Variants in NRG1 observed in about 807,000 individuals in gnomAD.
NRG1 encodes the protein neuregulin 1, also known as pro-neuregulin-1, membrane-bound isoform.
NRG1 carries 18 observed loss-of-function variants against 63.8 expected under a neutral mutation model. That is an observed-to-expected ratio of 0.28 (90% confidence interval 0.19 to 0.42). The LOEUF (loss-of-function observed/expected upper bound fraction) is 0.42, where lower values mean the gene tolerates loss of function less well. Among genes scored for constraint, NRG1 ranks in the 10% least tolerant of loss-of-function variants. NRG1 has a pLI of 1.00. For missense variants in NRG1, 762 were observed against 814.7 expected, an observed-to-expected ratio of 0.94 and a Z score of 0.79; for synonymous variants, 302 against 301.3, an observed-to-expected ratio of 1.00 and a Z score of -0.02.
At chr8:31,884,160 A>G (rs151067210) in intron 1 of NRG1, among the ~76,000 whole-genome samples, 1 of 152,244 alleles carries the variant, frequency 6.6e-6, no homozygotes, top group African/African-American at 2.4e-5. Flanking sequence ...GGGAAATATT[A>G]GGAATGCTTT....
chr8:32,241,015 G>A (rs1848049877), intron 1 of NRG1, among the ~76,000 whole-genome samples: 1 of 152,006 alleles, frequency 6.6e-6, no homozygotes, highest in African/African-American at 2.4e-5. Context: ...AAAAAGGAAA[G>A]ATGGGACTCT....
intron 1 of NRG1, among the ~76,000 whole-genome samples, chr8:32,081,944 A>G (rs1328416399): frequency 6.6e-6 from 1 of 152,146 alleles, no homozygotes; most frequent in African/African-American, 2.4e-5. Context: ...GCCTCTGGCC[A>G]ATCTGCCTTG....
chr8:32,199,610 C>A (rs967702529), intron 1 of NRG1, among the ~76,000 whole-genome samples: 1 of 152,150 alleles, frequency 6.6e-6, no homozygotes, highest in Non-Finnish European at 1.5e-5. Context: ...AAAGTCATTT[C>A]TCTTCAGAAT....
intron 1 of NRG1, among the ~76,000 whole-genome samples, chr8:31,945,650 T>C (rs2129621675): frequency 6.6e-6 from 1 of 152,332 alleles, no homozygotes; most frequent in African/African-American, 2.4e-5. Flanking sequence ...ACCTGGATGG[T>C]AACTGCTGTC....
chr8:32,308,680 T>C (rs1318215946), intron 1 of NRG1, among the ~76,000 whole-genome samples: 2 of 152,170 alleles, frequency 1.3e-5, no homozygotes, highest in Non-Finnish European at 2.9e-5. Context: ...CCTGTGTAGC[T>C]ACCACCACAA....
At chr8:32,559,565 G>A (rs965691873) in intron 1 of NRG1, among the ~76,000 whole-genome samples, 1 of 151,990 alleles carries the variant, frequency 6.6e-6, no homozygotes, top group African/African-American at 2.4e-5. Context: ...TACTTTTTAT[G>A]GATACAGGCT....
At chr8:32,400,761 A>G (rs1813075619) in intron 1 of NRG1, among the ~76,000 whole-genome samples, 1 of 152,216 alleles carries the variant, frequency 6.6e-6, no homozygotes, top group Non-Finnish European at 1.5e-5. Context: ...TAGAATTATC[A>G]TCCAATCCAG....
chr8:31,839,652 G>A lies in NRG1; in HGVS notation c.37+200221G>A, dbSNP rs560710735. 1.1e-4 allele frequency among the ~76,000 whole-genome samples: 17 copies of A among 152,258 alleles called. No individual in the cohort carries two copies. The South Asian group carries it at 1.5e-3, about 13-fold the overall frequency. ...AGTAGCCCACTGTCTCTTTTCAACT[G>A]CATAAGCCCAAATAACATTTTATAT... On this transcript the variant is annotated intron_variant, in intron 1 of 10. Transcript: ENST00000519301.
At chr8:31,928,618 T>C (rs564947302) in intron 1 of NRG1, among the ~76,000 whole-genome samples, 4 of 144,448 alleles carry the variant, frequency 2.8e-5, no homozygotes, top group Admixed American at 7.2e-5. Context: ...CATGTGTGTG[T>C]GTGTATACCA....
intron 1 of NRG1, among the ~76,000 whole-genome samples, chr8:32,389,414 G>C (rs962959163): frequency 6.6e-6 from 1 of 152,182 alleles, no homozygotes; most frequent in East Asian, 1.9e-4. Context: ...AGCATATTAA[G>C]AAGATATTTA....
intron 1 of NRG1, among the ~76,000 whole-genome samples, chr8:32,009,182 C>T (rs1242043196): frequency 1.3e-5 from 2 of 151,996 alleles, no homozygotes; most frequent in Non-Finnish European, 2.9e-5. Flanking sequence ...CGTATATGAT[C>T]CCAGTAGTTG....
At chr8:32,605,601 T>C (rs1845131852) in exon 3 of NRG1, 7 of 1,613,416 alleles carry the variant, frequency 4.3e-6, no homozygotes, top group Admixed American at 3.3e-5. Context: ...CACTGGCTGA[T>C]TCTGGAGAGT....
intron 1 of NRG1, among the ~76,000 whole-genome samples, chr8:31,641,251 A>G (rs1276204325): frequency 6.6e-6 from 1 of 151,930 alleles, no homozygotes; most frequent in African/African-American, 2.4e-5. Context: ...TTTTTTGGCA[A>G]CTCAATGTCC....
At chr8:32,743,573 C>T (rs867214931) in intron 7 of NRG1, among the ~76,000 whole-genome samples, 10 of 113,704 alleles carry the variant, frequency 8.8e-5, no homozygotes, top group East Asian at 6.0e-4. Context: ...TAAGGCAAAA[C>T]ATATATATAT....
intron 1 of NRG1, among the ~76,000 whole-genome samples, chr8:32,525,449 C>T (rs1196133627): frequency 6.7e-6 from 1 of 149,130 alleles, no homozygotes; most frequent in Admixed American, 6.7e-5. Context: ...GTCTACTTGC[C>T]TGCTTTCTGG....
At chr8:31,856,663 C>T (rs936781589) in intron 1 of NRG1, among the ~76,000 whole-genome samples, 7 of 152,324 alleles carry the variant, frequency 4.6e-5, no homozygotes, top group East Asian at 3.9e-4. Flanking sequence ...TGAGGAACTG[C>T]GTTCCTTTGG....
chr8:31,796,842 AAC>A (rs1821279097), intron 1 of NRG1, among the ~76,000 whole-genome samples: 1 of 152,118 alleles, frequency 6.6e-6, no homozygotes, highest in Non-Finnish European at 1.5e-5. Context: ...TTTTCCAACC[AAC>A]ATGGGTGTAA....
Position 31,640,787 on chromosome 8 carries a change from C to G in NRG1, c.37+1356C>G. 6.9e-7 allele frequency: 1 copy of G among 1,439,902 alleles called. No homozygotes were observed. The highest frequency in any genetic ancestry group is 9.1e-7 in the Non-Finnish European group (1 of 1,096,270). The allele number at this position is 1,439,902 out of a possible 1,614,324, so 89.2% of individuals were successfully genotyped here. A position where few individuals can be genotyped will look rare whatever the true frequency, so the allele number is the denominator to read the frequency against. ...CGGCGAGGAGGGCGCATCCCGGGCG[C>G]GCGGGCAGCGGGGCTCGACGGCCGC... is the stretch of plus-strand genomic sequence containing the variant. On this transcript the variant is annotated intron_variant, in intron 1 of 10. Transcript: ENST00000519301. The surrounding 1 kb of genome is among the most constrained non-coding windows in gnomAD (Gnocchi z 6.3).
At chr8:31,982,915 G>A (rs2129631087) in intron 1 of NRG1, among the ~76,000 whole-genome samples, 1 of 152,184 alleles carries the variant, frequency 6.6e-6, no homozygotes, top group East Asian at 1.9e-4. Context: ...CGAGTAATCA[G>A]TGCCAGTTTT....
Sources: allele counts gnomAD v4.1 joint callset (sites outside exome capture counted in the v4.1 genomes callset), GRCh38; gene constraint gnomAD v4.1.1; non-coding constraint Gnocchi (gnomAD v3.1); transcripts MANE v1.5; gene names NCBI Gene and HGNC (gene_info 2026-07-23, HGNC 2026-07-21).